The following PTPRM variants were observed in gnomAD, a reference collection of about 807,000 sequenced individuals.
The protein encoded by PTPRM is receptor-type tyrosine-protein phosphatase mu.
PTPRM carries 47 observed loss-of-function variants against 186.7 expected under a neutral mutation model. The ratio of observed to expected loss-of-function variants is 0.25; its 90% CI spans 0.20 to 0.32. The LOEUF is 0.32. Ranked by LOEUF, PTPRM falls within the 10% of genes least tolerant of loss-of-function variation. The pLI, the probability that PTPRM is intolerant of heterozygous loss-of-function variation, is 1.00. For synonymous variants in PTPRM, 668 were observed against 674.9 expected (o/e 0.99, Z 0.16); for missense variants, 1,494 against 1,865.0 (o/e 0.80, Z 3.66).
intron 1 of PTPRM, among the ~76,000 whole-genome samples, chr18:7,735,584 TAAAAAATATACCTA>T (rs1170406049): frequency 7.2e-6 from 1 of 138,094 alleles, no homozygotes; most frequent in African/African-American, 3.2e-5. Context: ...TAAATATACC[TAAAAAATATACCTA>T]AAAAATTTGC....
chr18:8,326,729 G>C (rs2095379504), intron 22 of PTPRM, among the ~76,000 whole-genome samples: 1 of 152,156 alleles, frequency 6.6e-6, no homozygotes, highest in African/African-American at 2.4e-5. Flanking sequence ...ATGGTGCTGG[G>C]ATAACTGGCT....
chr18:7,686,846 A>G (rs546800959), intron 1 of PTPRM, among the ~76,000 whole-genome samples: 20 of 152,274 alleles, frequency 1.3e-4, no homozygotes, highest in African/African-American at 3.8e-4. Context: ...AATCCCTCCA[A>G]CCAGCCAACA....
intron 4 of PTPRM, among the ~76,000 whole-genome samples, chr18:7,907,111 G>A (rs2050023588): frequency 1.3e-5 from 2 of 152,120 alleles, no homozygotes; most frequent in South Asian, 4.2e-4. Context: ...AAGTACAATA[G>A]GTGATAAACA....
chr18:7,961,331 G>A (rs974073841), intron 7 of PTPRM, among the ~76,000 whole-genome samples: 1 of 152,038 alleles, frequency 6.6e-6, no homozygotes, highest in African/African-American at 2.4e-5. Flanking sequence ...TTGTCTCTAT[G>A]GATTTAACTA....
intron 8 of PTPRM, among the ~76,000 whole-genome samples, chr18:8,073,280 A>G (rs550452664): frequency 1.3e-5 from 2 of 152,210 alleles, no homozygotes; most frequent in Non-Finnish European, 2.9e-5. Flanking sequence ...CTTTCACTTA[A>G]AAAGAAAAAG....
At chr18:7,732,144 G>A (rs760240767) in intron 1 of PTPRM, among the ~76,000 whole-genome samples, 4 of 152,152 alleles carry the variant, frequency 2.6e-5, no homozygotes, top group African/African-American at 7.2e-5. Context: ...AGGAAAAGGA[G>A]TACACAGGTT....
chr18:8,332,055 G>C (rs114207052), intron 22 of PTPRM, among the ~76,000 whole-genome samples: 3 of 152,170 alleles, frequency 2.0e-5, no homozygotes, highest in Non-Finnish European at 4.4e-5. Flanking sequence ...TTACACAGGG[G>C]TGTTTTAGAG....
intron 1 of PTPRM, among the ~76,000 whole-genome samples, chr18:7,630,863 A>G (rs1372494460): frequency 3.3e-5 from 5 of 152,138 alleles, no homozygotes; most frequent in African/African-American, 9.7e-5. Context: ...TTGCCTTGTT[A>G]TCTATGAAGG....
At chr18:7,856,451 A>G (rs2047098908) in intron 2 of PTPRM, among the ~76,000 whole-genome samples, 2 of 152,176 alleles carry the variant, frequency 1.3e-5, no homozygotes, top group Non-Finnish European at 2.9e-5. Flanking sequence ...CCAGTTGAAA[A>G]GGACAGCAGG....
chr18:7,794,711 G>A (rs903063795), intron 2 of PTPRM, among the ~76,000 whole-genome samples: 3 of 152,176 alleles, frequency 2.0e-5, no homozygotes, highest in Non-Finnish European at 4.4e-5. Flanking sequence ...TGTGAGTAGC[G>A]TAACTATATT....
At chr18:7,628,233 A>T (rs1346399071) in intron 1 of PTPRM, among the ~76,000 whole-genome samples, 1 of 152,162 alleles carries the variant, frequency 6.6e-6, no homozygotes, top group Non-Finnish European at 1.5e-5. Flanking sequence ...TGTATACCAG[A>T]CTGAATTTTT....
At chr18:7,634,379 T>C (rs2038264075) in intron 1 of PTPRM, among the ~76,000 whole-genome samples, 1 of 152,174 alleles carries the variant, frequency 6.6e-6, no homozygotes. Flanking sequence ...CAATGCCCAG[T>C]TCCCTGTCTT....
intron 7 of PTPRM, among the ~76,000 whole-genome samples, chr18:8,007,924 T>A (rs1259141997): frequency 1.3e-5 from 2 of 152,166 alleles, no homozygotes; most frequent in Non-Finnish European, 2.9e-5. Context: ...ATTCATTGAG[T>A]TCCCCTTGGT....
intron 2 of PTPRM, among the ~76,000 whole-genome samples, chr18:7,788,590 A>G (rs2043196015): frequency 6.6e-6 from 1 of 152,176 alleles, no homozygotes; most frequent in African/African-American, 2.4e-5. Flanking sequence ...AACCCCTTTT[A>G]TGAAGTGTGT....
intron 2 of PTPRM, among the ~76,000 whole-genome samples, chr18:7,806,576 T>A (rs112902592): frequency 0.014 from 2,125 of 152,288 alleles, 45 homozygotes; most frequent in African/African-American, 0.04. Context: ...AAGGGCATCA[T>A]TGTCTTGGAA....
chr18:8,348,133 G>A (rs1276257703), intron 23 of PTPRM, among the ~76,000 whole-genome samples: 1 of 152,266 alleles, frequency 6.6e-6, no homozygotes, highest in Non-Finnish European at 1.5e-5. Flanking sequence ...AAGGGCAATA[G>A]CTACCTACTT....
intron 8 of PTPRM, among the ~76,000 whole-genome samples, chr18:8,071,578 T>C (rs1353071288): frequency 6.6e-6 from 1 of 152,208 alleles, no homozygotes; most frequent in Non-Finnish European, 1.5e-5. Flanking sequence ...GTCTTCTGTA[T>C]TCTTGGCTCA....
intron 31 of PTPRM, among the ~76,000 whole-genome samples, chr18:8,392,590 GC>G (rs1423827004): frequency 6.6e-6 from 1 of 151,800 alleles, no homozygotes; most frequent in Non-Finnish European, 1.5e-5. Flanking sequence ...TCGCGCCACT[GC>G]ACTCCAGCCT....
intron 5 of PTPRM, among the ~76,000 whole-genome samples, chr18:7,938,656 A>G (rs1329491410): frequency 1.3e-5 from 2 of 152,188 alleles, no homozygotes; most frequent in African/African-American, 2.4e-5. Context: ...TATTATTTGG[A>G]TTAACTTCTA....
Sources: allele counts gnomAD v4.1 joint callset (sites outside exome capture counted in the v4.1 genomes callset), GRCh38; gene constraint gnomAD v4.1.1; transcripts MANE v1.5; gene names NCBI Gene and HGNC (gene_info 2026-07-23, HGNC 2026-07-21).